PSG5: variants seen among roughly 807,000 people sequenced by gnomAD.
PSG5 encodes the protein pregnancy specific beta-1-glycoprotein 5.
Under a neutral mutation model 37.7 loss-of-function variants are expected in PSG5, and 53 were observed. The ratio of observed to expected loss-of-function variants is 1.41; its 90% CI spans 1.13 to 1.77. PSG5 has a LOEUF of 1.77. Among genes scored for constraint, PSG5 ranks in the 40% most tolerant of loss-of-function variants. The pLI is 0.00. For missense variants in PSG5, 547 were observed against 405.2 expected (o/e 1.35, Z -3.00); for synonymous variants, 221 against 155.4 (o/e 1.42, Z -3.14).
intron 2 of PSG5, among the ~76,000 whole-genome samples, chr19:43,177,184 C>T (rs928642764): frequency 4.0e-5 from 6 of 151,516 alleles, no homozygotes; most frequent in Admixed American, 3.3e-4. Context: ...CTGCTGTTTG[C>T]CAGGAGCTGG....
Position 43,175,277 on chromosome 19 carries a change from C to T in PSG5, c.902G>A (p.Cys301Tyr). ...GCCAGTAGCTGAGTTACGAACAGAG[C>T]AAGTATAGAGCCCTCTATGCTTTGT... ...ITTKHRGLYT[C>Y]SVRNSATGKE... Residue 301 changes from cysteine (C) to tyrosine (Y), a missense_variant, in exon 4 of 6, where the codon TGC (cysteine) becomes TAC (tyrosine). Cys to Tyr is a radical substitution (Grantham distance 194). Transcript: ENST00000342951. 1.9e-6 allele frequency: 3 copies of T among 1,612,746 alleles called. 1 individual carries two copies. Among genetic ancestry groups the T allele is most frequent in the Non-Finnish European group, 1.7e-6 (2 of 1,179,222 alleles).
intron 2 of PSG5, chr19:43,179,168 A>T: frequency 6.3e-7 from 1 of 1,582,586 alleles, no homozygotes; most frequent in Non-Finnish European, 8.7e-7. Context: ...CTTTGCAGAA[A>T]ACAGAGAGAA....
chr19:43,173,306 T>C (rs1379084825), intron 4 of PSG5, among the ~76,000 whole-genome samples: 1 of 151,756 alleles, frequency 6.6e-6, no homozygotes, highest in Non-Finnish European at 1.5e-5. Flanking sequence ...CACAATGATT[T>C]CTTGGTTGTA....
intron 2 of PSG5, chr19:43,179,076 G>A (rs755515511): frequency 6.2e-7 from 1 of 1,612,040 alleles, no homozygotes; most frequent in Non-Finnish European, 8.5e-7. Flanking sequence ...TGAAGCCGCA[G>A]GATCACAGGT....
chr19:43,176,781 G>A (rs1195161611), intron 2 of PSG5, among the ~76,000 whole-genome samples: 5 of 150,696 alleles, frequency 3.3e-5, no homozygotes, highest in African/African-American at 4.9e-5. Context: ...ACTTGAACCA[G>A]TGACCTCTAA....
In PSG5 at chr19:43,176,172, T is replaced by C. The variant is rs779832166; in HGVS notation, c.431-24A>G. 4.4e-6 allele frequency: 7 copies of C among 1,608,616 alleles called. 1 individual carries two copies. The highest frequency in any genetic ancestry group is 5.9e-6 in the Non-Finnish European group (7 of 1,177,098). On this transcript the variant is annotated intron_variant, in intron 2 of 5. Transcript: ENST00000342951. ...CACTGTGTGGATAACAGAGAGAAGA[T>C]TGTCCTGTGTGGCACCTTTGATTCC...
chr19:43,184,083 T>C (rs966945263), intron 2 of PSG5, among the ~76,000 whole-genome samples: 1 of 151,708 alleles, frequency 6.6e-6, no homozygotes, highest in Non-Finnish European at 1.5e-5. Flanking sequence ...TCTTCTCCCT[T>C]CTGTTTATGC....
intron 2 of PSG5, among the ~76,000 whole-genome samples, chr19:43,183,869 TCA>T (rs1712270937): frequency 6.6e-6 from 1 of 151,490 alleles, no homozygotes; most frequent in Admixed American, 6.6e-5. Flanking sequence ...TTCCTGTGCC[TCA>T]GTTTTCTCTC....
intron 4 of PSG5, 33 bp from the exon 5 acceptor site, chr19:43,170,171 A>G (rs1277916935): frequency 1.9e-6 from 3 of 1,538,840 alleles, no homozygotes; most frequent in East Asian, 2.3e-5. Flanking sequence ...GAAGGAATGA[A>G]GGTGATGTTA....
rs543218857 is a variant in PSG5, at chr19:43,179,975, C to A, written c.431-3827G>T. On this transcript the variant is annotated intron_variant, in intron 2 of 5. Transcript: ENST00000342951. ...TACATGTGGATGTTTGCAAATGCAGCACTGACTGTTGGAAAGGGTAATCAT... is the reference window on the plus strand; with the variant it reads ...TACATGTGGATGTTTGCAAATGCAGAACTGACTGTTGGAAAGGGTAATCAT... 3.6e-4 allele frequency among the ~76,000 whole-genome samples: 55 copies of A among 151,902 alleles called. No individual in the cohort carries two copies. The Middle Eastern group carries it at 0.017, about 47-fold the overall frequency.
intron 2 of PSG5, among the ~76,000 whole-genome samples, chr19:43,177,022 A>G (rs990279893): frequency 1.3e-5 from 2 of 151,774 alleles, no homozygotes; most frequent in African/African-American, 4.9e-5. Flanking sequence ...TCTGGTCCTC[A>G]TGGACCATGT....
chr19:43,182,837 T>A (rs1216557263), intron 2 of PSG5, among the ~76,000 whole-genome samples: 2 of 146,644 alleles, frequency 1.4e-5, no homozygotes, highest in South Asian at 2.2e-4. Flanking sequence ...GAGCCCTGGA[T>A]GGGAATACAG....
rs961116625 is a variant in PSG5, at chr19:43,174,830, A to C, written c.964+385T>G. Reference sequence around the variant, plus strand: ...GTGTGAGCTTGTTTCAGAGCCTCAGATGTTCCTTGTAGCTCATGGAATAGG... The same window carrying C: ...GTGTGAGCTTGTTTCAGAGCCTCAGCTGTTCCTTGTAGCTCATGGAATAGG... On this transcript the variant is annotated intron_variant, in intron 4 of 5. Transcript: ENST00000342951. The C allele has an allele frequency of 1.2e-5, 14 of 1,171,904 alleles. 1 individual carries two copies. Among genetic ancestry groups the C allele is most frequent in the African/African-American group, 3.2e-5 (2 of 63,296 alleles). 72.6% of individuals were successfully genotyped at this position (1,171,904 alleles called of 1,614,324 possible).
At position 43,168,623 on chromosome 19, in the gene PSG5, C is replaced by T. The variant is rs192792560; in HGVS notation, c.*41-420G>A. Among the ~76,000 whole-genome samples, 60 of 151,834 alleles carry T rather than the reference C, an allele frequency of 4.0e-4. 1 individual carries two copies. Among genetic ancestry groups the T allele is most frequent in the South Asian group, 1.9e-3 (9 of 4,818 alleles). On this transcript the variant is annotated intron_variant, in intron 5 of 5. Transcript: ENST00000342951. ...TCCTGACATCGTGATGTGCCCACCTCGGCCTCCCAAACTGCTGGGATTGCA... is the reference window on the plus strand; with the variant it reads ...TCCTGACATCGTGATGTGCCCACCTTGGCCTCCCAAACTGCTGGGATTGCA...
At chr19:43,172,782 A>G (rs1024236826) in intron 4 of PSG5, among the ~76,000 whole-genome samples, 10 of 151,702 alleles carry the variant, frequency 6.6e-5, no homozygotes, top group Non-Finnish European at 1.5e-4. Flanking sequence ...GGAAGACTCA[A>G]TATTGTTAGG....
rs1369609715 is a variant in PSG5 at position 43,185,182 on chromosome 19, A to T, written c.65-35T>A. On this transcript the variant is annotated intron_variant, in intron 1 of 5. Transcript: ENST00000342951. ...GGAGAAAGCACCAGTCAATATTGAGACCTGTGTATTGGGGTGAAAAGATGG... is the reference window on the plus strand; with the variant it reads ...GGAGAAAGCACCAGTCAATATTGAGTCCTGTGTATTGGGGTGAAAAGATGG... 3.2e-6 allele frequency: 5 copies of T among 1,567,470 alleles called. No homozygotes were observed. The Admixed American group carries it at 8.9e-5, about 28-fold the overall frequency.
chr19:43,178,055 A>G (rs1969048076), intron 2 of PSG5, among the ~76,000 whole-genome samples: 1 of 151,662 alleles, frequency 6.6e-6, no homozygotes, highest in Admixed American at 6.6e-5. Context: ...AGAATGATCT[A>G]GAAAGAGTGA....
chr19:43,179,849 G>A (rs1369100760), intron 2 of PSG5, among the ~76,000 whole-genome samples: 2 of 151,552 alleles, frequency 1.3e-5, no homozygotes, highest in African/African-American at 2.4e-5. Context: ...ACAGGCAAGA[G>A]CTGATAGCTT....
Position 43,172,254 on chromosome 19 carries a change from G to A in PSG5, c.965-2116C>T, listed in dbSNP as rs1446983372. Among the ~76,000 whole-genome samples, 4 of 151,396 alleles carry A rather than the reference G, an allele frequency of 2.6e-5. 1 individual carries two copies. The highest frequency in any genetic ancestry group is 9.7e-5 in the African/African-American group (4 of 41,108). On this transcript the variant is annotated intron_variant, in intron 4 of 5. Coordinates refer to ENST00000342951, the MANE Select transcript of PSG5 (RefSeq NM_002781.4). ...AGAAGGAAACCACCTCAACATAAAG[G>A]CAATATGTGAAAAACCCAATGCTAG...
Sources: gnomAD v4.1 joint callset for allele counts (sites outside exome capture counted in the v4.1 genomes callset) on GRCh38, gnomAD v4.1.1 for gene constraint, MANE v1.5 for transcripts, NCBI Gene and HGNC (gene_info 2026-07-23, HGNC 2026-07-21) for gene names.